PTGER3: variants seen among roughly 807,000 people sequenced by gnomAD.
The protein encoded by PTGER3 is prostaglandin E receptor 3.
A neutral mutation model predicts 34.7 loss-of-function variants in PTGER3; 22 were observed. The observed-to-expected ratio is 0.63, with a 90% CI of 0.45 to 0.91. The LOEUF is 0.91. Ranked by LOEUF, PTGER3 falls within the 40% of genes least tolerant of loss-of-function variation. PTGER3 has a pLI of 0.00. For missense variants in PTGER3, 468 were observed against 519.4 expected (o/e 0.90, Z 0.96); for synonymous variants, 241 against 230.1 (o/e 1.05, Z -0.43).
intron 4 of PTGER3, among the ~76,000 whole-genome samples, chr1:70,870,140 C>G (rs769696133): frequency 1.3e-5 from 2 of 152,186 alleles, no homozygotes; most frequent in African/African-American, 4.8e-5. Flanking sequence ...CTCTGTATAC[C>G]TGCAGGCTTA....
At chr1:70,892,670 G>A (rs528495554) in intron 4 of PTGER3, among the ~76,000 whole-genome samples, 5 of 151,518 alleles carry the variant, frequency 3.3e-5, no homozygotes, top group East Asian at 3.9e-4. Flanking sequence ...GTGAAACCCC[G>A]TCTCTACTAA....
intron 4 of PTGER3, among the ~76,000 whole-genome samples, chr1:70,924,162 TA>T (rs984716247): frequency 8.6e-5 from 13 of 150,922 alleles, no homozygotes; most frequent in African/African-American, 1.7e-4. Context: ...GGGCTTGGCT[TA>T]AAAAAAAAGT....
At chr1:71,037,672 A>G (rs115360793) in intron 1 of PTGER3, among the ~76,000 whole-genome samples, 1,592 of 152,330 alleles carry the variant, frequency 0.01, 23 homozygotes, top group African/African-American at 0.037. Flanking sequence ...GTGAGAACTG[A>G]AAGGAGGATT....
intron 3 of PTGER3, among the ~76,000 whole-genome samples, chr1:70,953,335 C>T (rs1197345928): frequency 6.6e-5 from 10 of 151,982 alleles, no homozygotes; most frequent in Admixed American, 1.3e-4. Flanking sequence ...CAGTGGATAC[C>T]GAGGAACAAC....
chr1:70,865,648 G>T (rs1160485745), intron 4 of PTGER3: 1 of 1,358,036 alleles, frequency 7.4e-7, no homozygotes, highest in African/African-American at 1.5e-5. Context: ...GACTTCCTGG[G>T]TAAAAAGTCC....
intron 2 of PTGER3, among the ~76,000 whole-genome samples, chr1:70,957,226 T>C (rs1455922436): frequency 2.0e-5 from 3 of 152,218 alleles, no homozygotes; most frequent in African/African-American, 4.8e-5. Flanking sequence ...GGGCATCATC[T>C]GATTTCCTTT....
chr1:70,880,947 G>A (rs1572535303), intron 4 of PTGER3, among the ~76,000 whole-genome samples: 1 of 151,916 alleles, frequency 6.6e-6, no homozygotes, highest in Non-Finnish European at 1.5e-5. Flanking sequence ...TTAAATGTTG[G>A]CCTCTCTAGT....
intron 2 of PTGER3, among the ~76,000 whole-genome samples, chr1:70,993,133 A>G (rs1655620085): frequency 6.6e-6 from 1 of 152,198 alleles, no homozygotes; most frequent in African/African-American, 2.4e-5. Context: ...ATATTCTCTT[A>G]TGAACCTCAC....
chr1:70,932,363 C>T (rs189900624), intron 4 of PTGER3, among the ~76,000 whole-genome samples: 26 of 152,280 alleles, frequency 1.7e-4, no homozygotes, highest in Admixed American at 1.6e-3. Flanking sequence ...GTTCCAAAGT[C>T]GCTTCCACAT....
chr1:70,954,980 C>T (rs1411960777), intron 2 of PTGER3, among the ~76,000 whole-genome samples: 1 of 151,974 alleles, frequency 6.6e-6, no homozygotes, highest in East Asian at 1.9e-4. Context: ...AAGAGAGAAG[C>T]GAATAGGGAA....
chr1:71,010,698 CTATT>C (rs1425083264), intron 2 of PTGER3: 1 of 983,942 alleles, frequency 1.0e-6, no homozygotes, highest in Non-Finnish European at 1.2e-6. Context: ...TTAGTATAGT[CTATT>C]TATCACCTTT....
chr1:70,852,503 T>C, exon 5 of PTGER3: 2 of 354,408 alleles, frequency 5.6e-6, no homozygotes, highest in Non-Finnish European at 1.0e-5. Flanking sequence ...AAATTAACGA[T>C]TTAGAGCTCC....
intron 4 of PTGER3, among the ~76,000 whole-genome samples, chr1:70,892,121 G>T (rs1646630546): frequency 6.6e-6 from 1 of 152,118 alleles, no homozygotes; most frequent in Admixed American, 6.6e-5. Flanking sequence ...AATACACAGA[G>T]GTGAGGTTGT....
At chr1:70,862,889 A>T (rs1457688175) in intron 4 of PTGER3, among the ~76,000 whole-genome samples, 3 of 152,134 alleles carry the variant, frequency 2.0e-5, no homozygotes, top group African/African-American at 4.8e-5. Flanking sequence ...TAGCAGGAGG[A>T]TGGCACAATA....
chr1:71,025,477 C>T (rs1658845218), intron 1 of PTGER3, among the ~76,000 whole-genome samples: 2 of 152,122 alleles, frequency 1.3e-5, no homozygotes, highest in African/African-American at 2.4e-5. Context: ...TGCATATCAA[C>T]ACAGTCTTTA....
chr1:70,951,347 C>T (rs1279980656), downstream of PTGER3: 1 of 152,158 alleles, frequency 6.6e-6, no homozygotes, highest in Non-Finnish European at 1.5e-5. Flanking sequence ...TTGCTGATTA[C>T]AAACCTCTAA....
chr1:70,920,722 TC>T (rs1647441264), intron 4 of PTGER3, among the ~76,000 whole-genome samples: 1 of 152,190 alleles, frequency 6.6e-6, no homozygotes, highest in Non-Finnish European at 1.5e-5. Context: ...GCATAGCATG[TC>T]CTAAGAACAA....
chr1:71,035,046 A>T (rs554367683), intron 1 of PTGER3, among the ~76,000 whole-genome samples: 1 of 152,330 alleles, frequency 6.6e-6, no homozygotes, highest in African/African-American at 2.4e-5. Context: ...AGTTCTTGAA[A>T]GGTAAAAAAT....
intron 4 of PTGER3, among the ~76,000 whole-genome samples, chr1:70,940,230 A>C (rs908908614): frequency 6.6e-6 from 1 of 152,064 alleles, no homozygotes; most frequent in African/African-American, 2.4e-5. Flanking sequence ...CCTCACCTCC[A>C]CCTGAGACCA....
Sources: allele counts gnomAD v4.1 joint callset (sites outside exome capture counted in the v4.1 genomes callset), GRCh38; gene constraint gnomAD v4.1.1; transcripts MANE v1.5; gene names NCBI Gene and HGNC (gene_info 2026-07-23, HGNC 2026-07-21).